SAMD3: variants seen among roughly 807,000 people sequenced by gnomAD.
SAMD3 encodes the protein sterile alpha motif domain containing 3.
In SAMD3, 63 loss-of-function variants were observed where a neutral mutation model predicts 58.5. The ratio of observed to expected loss-of-function variants is 1.08; its 90% confidence interval spans 0.88 to 1.33. The LOEUF (loss-of-function observed/expected upper bound fraction) is 1.33, where lower values mean the gene tolerates loss of function less well. Ranked by LOEUF, SAMD3 falls within the 40% of genes most tolerant of loss-of-function variation. The probability of loss-of-function intolerance (pLI) is 0.00; values close to 1 mark genes in which losing one functional copy is unlikely to be tolerated. For missense variants in SAMD3, 604 were observed against 608.4 expected (o/e 0.99, Z 0.08); for synonymous variants, 220 against 210.3 (o/e 1.05, Z -0.40).
In SAMD3 at chr6:130,286,890, A is replaced by G. The variant is rs138758536; in HGVS notation, c.-188+26088T>C. On this transcript the variant is annotated intron_variant, in intron 2 of 13. Coordinates refer to the SAMD3 transcript ENST00000368134. Reference sequence around the variant, plus strand: ...ACGCCTGGCTAATTTTTGTATTTTTAGTACAGACGGGGTTTCACCATGCTG... The same window carrying G: ...ACGCCTGGCTAATTTTTGTATTTTTGGTACAGACGGGGTTTCACCATGCTG... 3.9e-3 allele frequency among the ~76,000 whole-genome samples: 594 copies of G among 152,180 alleles called. 7 individuals are homozygous for G. Among genetic ancestry groups the G allele is most frequent in the African/African-American group, 0.013 (558 of 41,524 alleles).
chr6:130,214,867 T>A (rs6934450), intron 3 of SAMD3, among the ~76,000 whole-genome samples: 1 of 152,072 alleles, frequency 6.6e-6, no homozygotes, highest in African/African-American at 2.4e-5. Context: ...AGTATTCAAC[T>A]TTATAAACCC....
intron 2 of SAMD3, among the ~76,000 whole-genome samples, chr6:130,308,410 A>ATTCTATTCT (rs1562513188): frequency 6.8e-4 from 81 of 119,456 alleles, no homozygotes; most frequent in African/African-American, 2.1e-3. Flanking sequence ...ATTCTATTCT[A>ATTCTATTCT]TTCTATTCTA....
chr6:130,153,666 T>TTATATATATATATATA (rs1789446517), intron 9 of SAMD3, among the ~76,000 whole-genome samples: 1 of 91,158 alleles, frequency 1.1e-5, no homozygotes, highest in Non-Finnish European at 2.3e-5. Flanking sequence ...ATATATATAT[T>TTATATATATATATATA]TATTTATTTA....
At chr6:130,349,748 C>T (rs542627601) in intron 1 of SAMD3, among the ~76,000 whole-genome samples, 100 of 152,294 alleles carry the variant, frequency 6.6e-4, no homozygotes, top group South Asian at 8.3e-4. Context: ...GATACCAAAG[C>T]TTGGCACAGA....
chr6:130,314,915 C>T (rs1197480231), intron 1 of SAMD3, among the ~76,000 whole-genome samples: 1 of 152,160 alleles, frequency 6.6e-6, no homozygotes, highest in Non-Finnish European at 1.5e-5. Flanking sequence ...GCAGTGCTTT[C>T]TGAATACCAG....
intron 8 of SAMD3, chr6:130,160,501 A>T (rs1790191419): frequency 6.6e-6 from 1 of 152,224 alleles, no homozygotes; most frequent in South Asian, 2.1e-4. Flanking sequence ...ATTTTAAGGG[A>T]TAATAGAATT....
At chr6:130,270,841 C>T (rs893098052) in intron 2 of SAMD3, among the ~76,000 whole-genome samples, 1 of 152,212 alleles carries the variant, frequency 6.6e-6, no homozygotes, top group South Asian at 2.1e-4. Context: ...CTGCAGGAAA[C>T]ACTTACATAC....
chr6:130,234,054 G>A (rs1269923369), intron 2 of SAMD3, among the ~76,000 whole-genome samples: 6 of 152,262 alleles, frequency 3.9e-5, no homozygotes, highest in Non-Finnish European at 7.4e-5. Context: ...GCCCTCCATA[G>A]GGATTTATCA....
upstream of SAMD3, among the ~76,000 whole-genome samples, chr6:130,226,079 C>T (rs542856219): frequency 7.2e-5 from 11 of 152,288 alleles, no homozygotes; most frequent in Middle Eastern, 3.4e-3. Context: ...AGGACAGCGC[C>T]GCTTTTCCCA....
At chr6:130,300,699 C>T (rs185277991) in intron 2 of SAMD3, among the ~76,000 whole-genome samples, 96 of 152,270 alleles carry the variant, frequency 6.3e-4, no homozygotes, top group African/African-American at 2.2e-3. Flanking sequence ...TCTCTGTTCT[C>T]TGATGACATG....
chr6:130,202,785 T>C (rs1024256957), intron 5 of SAMD3, among the ~76,000 whole-genome samples: 2 of 152,218 alleles, frequency 1.3e-5, no homozygotes. Flanking sequence ...AGGCATGAGG[T>C]TCTACACATG....
upstream of SAMD3, among the ~76,000 whole-genome samples, chr6:130,224,615 TATTATTATTATTATTA>T (rs1796336033): frequency 1.5e-5 from 2 of 136,464 alleles, no homozygotes; most frequent in African/African-American, 6.8e-5. Context: ...TTATTATTAT[TATTATTATTATTATTA>T]TTTTTGAGAT....
chr6:130,214,837 C>A (rs1283253678), intron 3 of SAMD3, among the ~76,000 whole-genome samples: 1 of 152,148 alleles, frequency 6.6e-6, no homozygotes, highest in Non-Finnish European at 1.5e-5. Flanking sequence ...GGAAATTATT[C>A]TTCGTAATAG....
chr6:130,311,771 G>A (rs1776176043), intron 2 of SAMD3, among the ~76,000 whole-genome samples: 1 of 152,104 alleles, frequency 6.6e-6, no homozygotes, highest in South Asian at 2.1e-4. Context: ...AGATGGACTG[G>A]AGCAGTTTCA....
intron 5 of SAMD3, among the ~76,000 whole-genome samples, chr6:130,187,063 C>A (rs1431956920): frequency 6.6e-6 from 1 of 152,072 alleles, no homozygotes; most frequent in East Asian, 1.9e-4. Flanking sequence ...AGCCACCGTG[C>A]CTGGGCCTTC....
chr6:130,149,643 T>C (rs1404768784), intron 9 of SAMD3, among the ~76,000 whole-genome samples: 4 of 152,166 alleles, frequency 2.6e-5, no homozygotes, highest in Non-Finnish European at 5.9e-5. Context: ...TTCTTTCTTA[T>C]AAGTGGGAGC....
chr6:130,353,832 T>G (rs1353203160), intron 1 of SAMD3, among the ~76,000 whole-genome samples: 1 of 152,130 alleles, frequency 6.6e-6, no homozygotes, highest in Non-Finnish European at 1.5e-5. Context: ...TCAGTTCTCC[T>G]TAAAAGTATG....
chr6:130,244,278 G>A (rs1773459633), intron 2 of SAMD3, among the ~76,000 whole-genome samples: 1 of 152,152 alleles, frequency 6.6e-6, no homozygotes, highest in African/African-American at 2.4e-5. Flanking sequence ...GTAAATGATT[G>A]AGAAACTTCT....
chr6:130,259,978 A>G (rs917742410), intron 2 of SAMD3, among the ~76,000 whole-genome samples: 1 of 152,190 alleles, frequency 6.6e-6, no homozygotes, highest in African/African-American at 2.4e-5. Flanking sequence ...GATAAGAATA[A>G]GTACATCATC....
Sources: gnomAD v4.1 joint callset for allele counts (sites outside exome capture counted in the v4.1 genomes callset) on GRCh38, gnomAD v4.1.1 for gene constraint, MANE v1.5 for transcripts, NCBI Gene and HGNC (gene_info 2026-07-23, HGNC 2026-07-21) for gene names.